The following AGBL4 variants were observed in gnomAD, a reference collection of about 807,000 sequenced individuals.
AGBL4 encodes the protein cytosolic carboxypeptidase 6.
AGBL4 carries 58 observed loss-of-function variants against 66.4 expected under a neutral mutation model. That is an observed-to-expected ratio of 0.87 (90% CI 0.71 to 1.09). The LOEUF is 1.09. AGBL4 is among the 50% of genes least tolerant of loss of function. The pLI is 0.00. For missense variants in AGBL4, 579 were observed against 631.0 expected, an observed-to-expected ratio of 0.92 and a Z score of 0.88; for synonymous variants, 234 against 222.9, an observed-to-expected ratio of 1.05 and a Z score of -0.44.
intron 3 of AGBL4, among the ~76,000 whole-genome samples, chr1:49,554,505 G>C (rs1223499151): frequency 1.3e-5 from 2 of 152,144 alleles, no homozygotes; most frequent in Non-Finnish European, 2.9e-5. Context: ...TTTGCAAATA[G>C]ATCAAGGCTC....
In AGBL4 at chr1:48,754,088, G is replaced by A. The variant is rs186335168; in HGVS notation, c.635-90847C>T. Among the ~76,000 whole-genome samples the A allele has an allele frequency of 4.0e-3, 603 of 152,186 alleles. 1 individual carries two copies. Among genetic ancestry groups the A allele is most frequent in the African/African-American group, 0.014 (571 of 41,520 alleles). ...AGTCTTATTTGAACTAATGTTACCC[G>A]AGTCACACCACAATGAATTATACTG... On this transcript the variant is annotated intron_variant, in intron 6 of 13. Coordinates refer to ENST00000371839, the MANE Select transcript of AGBL4 (RefSeq NM_032785.4).
chr1:49,201,029 T>G (rs1384811519), intron 4 of AGBL4, among the ~76,000 whole-genome samples: 1 of 152,160 alleles, frequency 6.6e-6, no homozygotes, highest in Non-Finnish European at 1.5e-5. Context: ...TTGCCCCAGA[T>G]AGTCCAACGG....
chr1:49,444,912 T>G (rs1412526564), intron 3 of AGBL4, among the ~76,000 whole-genome samples: 1 of 152,090 alleles, frequency 6.6e-6, no homozygotes, highest in African/African-American at 2.4e-5. Flanking sequence ...ATCCTTTCTC[T>G]TCTTCCTTTG....
chr1:49,481,527 G>T (rs1469426826), intron 3 of AGBL4, among the ~76,000 whole-genome samples: 2 of 151,662 alleles, frequency 1.3e-5, no homozygotes, highest in Non-Finnish European at 3.0e-5. Context: ...GAAGCTTTTG[G>T]ACTGAGATGG....
intron 5 of AGBL4, among the ~76,000 whole-genome samples, chr1:48,998,700 G>T (rs867146597): frequency 2.0e-5 from 3 of 152,198 alleles, no homozygotes; most frequent in African/African-American, 7.2e-5. Context: ...AAGGAATGTG[G>T]ATTCCTATAT....
At chr1:48,732,056 G>T (rs1648224468) in intron 6 of AGBL4, among the ~76,000 whole-genome samples, 1 of 152,116 alleles carries the variant, frequency 6.6e-6, no homozygotes, top group Non-Finnish European at 1.5e-5. Context: ...CTTTAAAATG[G>T]CTTAGAAAAT....
At chr1:48,587,999 A>G (rs1478939947) in intron 10 of AGBL4, among the ~76,000 whole-genome samples, 2 of 152,230 alleles carry the variant, frequency 1.3e-5, no homozygotes, top group Admixed American at 1.3e-4. Flanking sequence ...TTTCAATTGT[A>G]TGATATTGTT....
chr1:49,059,248 G>T (rs990276027), intron 4 of AGBL4, among the ~76,000 whole-genome samples: 3 of 152,208 alleles, frequency 2.0e-5, no homozygotes, highest in Non-Finnish European at 4.4e-5. Flanking sequence ...GCTCCCAGCT[G>T]CTTCAGCTCC....
intron 4 of AGBL4, among the ~76,000 whole-genome samples, chr1:49,068,573 T>G (rs1644537120): frequency 6.6e-6 from 1 of 152,200 alleles, no homozygotes; most frequent in Non-Finnish European, 1.5e-5. Flanking sequence ...TCGTTTTTTA[T>G]GGCTGCATAG....
chr1:48,871,209 A>G (rs1029847697), intron 5 of AGBL4, among the ~76,000 whole-genome samples: 2 of 152,114 alleles, frequency 1.3e-5, no homozygotes, highest in African/African-American at 4.8e-5. Context: ...AGCCTTTAAT[A>G]TGGATGGTAG....
chr1:49,625,713 G>GA (rs1167743738), intron 3 of AGBL4, among the ~76,000 whole-genome samples: 3 of 152,032 alleles, frequency 2.0e-5, no homozygotes, highest in Non-Finnish European at 4.4e-5. Flanking sequence ...TGAGCTTTCA[G>GA]AAAAAAGAGA....
chr1:49,428,966 A>C (rs895052589), intron 3 of AGBL4, among the ~76,000 whole-genome samples: 2 of 152,250 alleles, frequency 1.3e-5, no homozygotes, highest in Non-Finnish European at 2.9e-5. Flanking sequence ...AATTTTTATA[A>C]TACAGCACTG....
At chr1:49,453,612 T>C (rs1204391290) in intron 3 of AGBL4, among the ~76,000 whole-genome samples, 1 of 151,886 alleles carries the variant, frequency 6.6e-6, no homozygotes, top group Non-Finnish European at 1.5e-5. Context: ...TTTTCTTTTA[T>C]GTCAGAGTTT....
At chr1:49,902,662 T>C (rs1649874881) in intron 1 of AGBL4, among the ~76,000 whole-genome samples, 1 of 151,958 alleles carries the variant, frequency 6.6e-6, no homozygotes, top group South Asian at 2.1e-4. Flanking sequence ...CAGGAGAATT[T>C]CTTGAGCCCG....
At chr1:48,799,111 T>C (rs938358524) in intron 6 of AGBL4, among the ~76,000 whole-genome samples, 12 of 152,252 alleles carry the variant, frequency 7.9e-5, no homozygotes, top group Admixed American at 5.2e-4. Flanking sequence ...TTTGGCAGCA[T>C]GGTCATTTTT....
chr1:49,275,022 G>T (rs866190704), intron 3 of AGBL4, among the ~76,000 whole-genome samples: 2 of 152,170 alleles, frequency 1.3e-5, no homozygotes, highest in African/African-American at 4.8e-5. Flanking sequence ...AAAATTATTT[G>T]TGAGTATTCT....
chr1:48,803,109 G>A (rs1369973279), intron 6 of AGBL4, among the ~76,000 whole-genome samples: 1 of 152,208 alleles, frequency 6.6e-6, no homozygotes, highest in Non-Finnish European at 1.5e-5. Flanking sequence ...TGTGCCCAAG[G>A]TCACATGGCT....
intron 1 of AGBL4, among the ~76,000 whole-genome samples, chr1:49,862,737 G>A (rs1375554711): frequency 6.6e-6 from 1 of 152,150 alleles, no homozygotes; most frequent in African/African-American, 2.4e-5. Context: ...ACAGTGGCAT[G>A]ACATAGTCAA....
intron 3 of AGBL4, among the ~76,000 whole-genome samples, chr1:49,497,637 G>A (rs780358799): frequency 6.6e-6 from 1 of 151,964 alleles, no homozygotes; most frequent in Non-Finnish European, 1.5e-5. Flanking sequence ...TTATTGAAGA[G>A]ACTGTCCTTT....
Sources: allele counts gnomAD v4.1 joint callset (sites outside exome capture counted in the v4.1 genomes callset), GRCh38; gene constraint gnomAD v4.1.1; transcripts MANE v1.5; gene names NCBI Gene and HGNC (gene_info 2026-07-23, HGNC 2026-07-21).